The following ANTXR1 variants were observed in gnomAD, a reference collection of about 807,000 sequenced individuals.
ANTXR1 encodes the protein ANTXR cell adhesion molecule 1, also known as anthrax toxin receptor 1.
ANTXR1 carries 19 observed loss-of-function variants against 78.1 expected under a neutral mutation model. The ratio of observed to expected loss-of-function variants is 0.24; its 90% CI spans 0.17 to 0.36. The LOEUF (loss-of-function observed/expected upper bound fraction) is 0.36, where lower values mean the gene tolerates loss of function less well. Among genes scored for constraint, ANTXR1 ranks in the 10% least tolerant of loss-of-function variants. The pLI is 1.00. For synonymous variants in ANTXR1, 273 were observed against 260.5 expected, an observed-to-expected ratio of 1.05 and a Z score of -0.46; for missense variants, 518 against 718.6, an observed-to-expected ratio of 0.72 and a Z score of 3.19.
chr2:69,228,530 C>G (rs184871514), intron 17 of ANTXR1, among the ~76,000 whole-genome samples: 1 of 151,856 alleles, frequency 6.6e-6, no homozygotes, highest in Non-Finnish European at 1.5e-5. Flanking sequence ...GGGAAAATTA[C>G]GCAGCCCCTG....
chr2:69,182,423 A>G (rs1335044180), intron 15 of ANTXR1, 70 bp from the exon 16 acceptor site: 1 of 1,564,414 alleles, frequency 6.4e-7, no homozygotes, highest in Non-Finnish European at 8.7e-7. Context: ...TCATGCATGT[A>G]TTTGTCATTC....
chr2:69,153,663 A>C (rs1673455849), intron 13 of ANTXR1, among the ~76,000 whole-genome samples: 1 of 152,350 alleles, frequency 6.6e-6, no homozygotes, highest in East Asian at 1.9e-4. Flanking sequence ...AGTGCTTTCT[A>C]TGGAGATTCA....
rs1001955966 is a variant in ANTXR1, at chr2:69,013,402, C to T, written c.-98C>T. The T allele has an allele frequency of 6.6e-6, 10 of 1,526,172 alleles. No individual in the cohort carries two copies. The highest frequency in any genetic ancestry group is 7.1e-6 in the Non-Finnish European group (8 of 1,126,036). The allele number at this position is 1,526,172 out of a possible 1,614,324, so 94.5% of individuals were successfully genotyped here. On this transcript the variant is annotated 5_prime_UTR_variant, in exon 1 of 18. Transcript: ENST00000303714. The surrounding 1 kb of genome is among the most constrained non-coding windows in gnomAD (Gnocchi z 5.0). ...GAGGGAGCGAGGGGGAATAAAGGAC[C>T]CGCGAGGAAGGGCCCGCGGATGGCG...
intron 13 of ANTXR1, 21 bp downstream of exon 13, chr2:69,152,285 G>T: frequency 6.2e-7 from 1 of 1,610,750 alleles, no homozygotes; most frequent in African/African-American, 1.3e-5. Context: ...CAAACCTCAG[G>T]CCATGCAAGG....
chr2:69,200,584 C>T (rs992641100), intron 17 of ANTXR1, among the ~76,000 whole-genome samples: 1 of 152,210 alleles, frequency 6.6e-6, no homozygotes, highest in African/African-American at 2.4e-5. Context: ...TTCTTCTAAC[C>T]CCTTTCCTTT....
At chr2:69,155,026 G>A (rs1301218869) in intron 13 of ANTXR1, among the ~76,000 whole-genome samples, 1 of 152,198 alleles carries the variant, frequency 6.6e-6, no homozygotes, top group Non-Finnish European at 1.5e-5. Context: ...GCATCCTCCT[G>A]CTTCCTGCTG....
intron 12 of ANTXR1, chr2:69,145,952 A>C: frequency 1.0e-6 from 1 of 985,594 alleles, no homozygotes; most frequent in Non-Finnish European, 1.2e-6. Context: ...TATACCTTTG[A>C]GAACAGTGCC....
At chr2:69,027,924 C>T (rs1013309980) in intron 1 of ANTXR1, among the ~76,000 whole-genome samples, 11 of 150,452 alleles carry the variant, frequency 7.3e-5, no homozygotes, top group Admixed American at 2.6e-4. Flanking sequence ...GGACTTAGAA[C>T]GGTTAAGGAA....
At chr2:69,108,065 CCA>C (rs1671867251) in intron 10 of ANTXR1, among the ~76,000 whole-genome samples, 1 of 152,164 alleles carries the variant, frequency 6.6e-6, no homozygotes, top group East Asian at 1.9e-4. Flanking sequence ...AAGATGGTAG[CCA>C]CAAGCCACAT....
intron 9 of ANTXR1, among the ~76,000 whole-genome samples, chr2:69,098,707 C>T (rs1671508123): frequency 6.6e-6 from 1 of 152,132 alleles, no homozygotes; most frequent in Non-Finnish European, 1.5e-5. Flanking sequence ...CAATTCAGGC[C>T]AGGCGTGGTG....
intron 17 of ANTXR1, among the ~76,000 whole-genome samples, chr2:69,219,675 A>G (rs1289677558): frequency 6.6e-6 from 1 of 152,184 alleles, no homozygotes; most frequent in East Asian, 1.9e-4. Context: ...TTATGTTATC[A>G]ACGTATATTA....
At chr2:69,190,718 T>C (rs1674525280) in intron 16 of ANTXR1, among the ~76,000 whole-genome samples, 1 of 152,214 alleles carries the variant, frequency 6.6e-6, no homozygotes, top group Non-Finnish European at 1.5e-5. Flanking sequence ...AGTCACTTTG[T>C]GCTTAAACAC....
intron 14 of ANTXR1, among the ~76,000 whole-genome samples, chr2:69,175,883 G>A (rs1208925619): frequency 6.6e-6 from 1 of 152,118 alleles, no homozygotes; most frequent in East Asian, 1.9e-4. Context: ...GGCAAGAAAT[G>A]TTTAGATAGG....
At chr2:69,136,558 T>A (rs561152530) in intron 12 of ANTXR1, among the ~76,000 whole-genome samples, 1 of 152,238 alleles carries the variant, frequency 6.6e-6, no homozygotes, top group South Asian at 2.1e-4. Context: ...AATATCATAA[T>A]GTAAATTAGA....
Position 69,245,288 on chromosome 2 carries a change from G to A in ANTXR1, c.1498G>A (p.Ala500Thr), listed in dbSNP as rs140130392. 90 of 1,613,118 alleles carry A rather than the reference G, an allele frequency of 5.6e-5. No homozygotes were observed. The African/African-American group carries it at 7.1e-4, about 13-fold the overall frequency. The change falls in exon 18 of 18, where the codon GCC (alanine) becomes ACC (threonine). Residue 500 changes from alanine (A) to threonine (T), a missense_variant. Around this residue, in one of 5 missense-constraint regions of ANTXR1, gnomAD observed 192 missense variants for 230.2 expected, o/e 0.83. Transcript: ENST00000303714. The stretch of plus-strand genomic sequence containing the variant: ...GCCAGCCAAGTACCCACTCAACAAC[G>A]CCTACCACACCTCCTCGCCGCCTCC... ...NQPAKYPLNN[A>T]YHTSSPPPAP...
intron 17 of ANTXR1, among the ~76,000 whole-genome samples, chr2:69,222,180 T>TC (rs1675336136): frequency 6.6e-6 from 1 of 152,180 alleles, no homozygotes; most frequent in African/African-American, 2.4e-5. Context: ...TCTCCTGTCT[T>TC]CTTGTCATTC....
At chr2:69,161,867 G>A (rs760479770) in intron 13 of ANTXR1, among the ~76,000 whole-genome samples, 5 of 152,088 alleles carry the variant, frequency 3.3e-5, no homozygotes, top group Non-Finnish European at 5.9e-5. Context: ...AAGGCCAGGG[G>A]GGCAGCAGTT....
At chr2:69,084,313 C>G (rs920725847) in intron 8 of ANTXR1, among the ~76,000 whole-genome samples, 1 of 152,132 alleles carries the variant, frequency 6.6e-6, no homozygotes, top group Non-Finnish European at 1.5e-5. Context: ...ACTTTTAGAA[C>G]CTTGTTTATC....
chr2:69,115,976 C>G (rs953069328), intron 10 of ANTXR1, among the ~76,000 whole-genome samples: 5 of 152,198 alleles, frequency 3.3e-5, no homozygotes, highest in African/African-American at 9.7e-5. Flanking sequence ...CCCAACTTGG[C>G]CCAACCAACC....
Sources: allele counts gnomAD v4.1 joint callset (sites outside exome capture counted in the v4.1 genomes callset), GRCh38; gene constraint gnomAD v4.1.1; regional missense constraint gnomAD v4.1.1; non-coding constraint Gnocchi (gnomAD v3.1); transcripts MANE v1.5; gene names NCBI Gene and HGNC (gene_info 2026-07-23, HGNC 2026-07-21).